Variants in POLA1 observed in about 807,000 individuals in gnomAD.
POLA1 encodes the protein DNA polymerase alpha catalytic subunit.
In POLA1, 15 loss-of-function variants were observed where a neutral mutation model predicts 124.0. The observed-to-expected ratio is 0.12, with a 90% confidence interval of 0.08 to 0.19. POLA1 has a LOEUF of 0.19. Ranked by LOEUF, POLA1 falls within the 10% of genes least tolerant of loss-of-function variation. POLA1 has a pLI of 1.00. For missense variants in POLA1, 886 were observed against 1,103.4 expected (o/e 0.80, Z 2.79); for synonymous variants, 408 against 389.4 (o/e 1.05, Z -0.56).
intron 35 of POLA1, 138 bp downstream of exon 35, chrX:24,888,260 C>T (rs1488596000): frequency 3.8e-5 from 15 of 395,468 alleles, no homozygotes; most frequent in Non-Finnish European, 6.6e-5. Context: ...TTAAAAAATA[C>T]AGATTTCAGA....
intron 19 of POLA1, among the ~76,000 whole-genome samples, chrX:24,738,459 C>G (rs1194529072): frequency 1.8e-5 from 2 of 110,450 alleles, no homozygotes; most frequent in Non-Finnish European, 3.8e-5. Context: ...CGCAATATTG[C>G]TTGCTGATAT....
At chrX:24,988,252 T>C (rs2048499313) in intron 36 of POLA1, among the ~76,000 whole-genome samples, 1 of 112,764 alleles carries the variant, frequency 8.9e-6, no homozygotes, top group Non-Finnish European at 1.9e-5. Context: ...TTACTGCCTA[T>C]CTGTTGTCAT....
intron 26 of POLA1, among the ~76,000 whole-genome samples, chrX:24,765,111 A>G (rs1932870037): frequency 9.1e-6 from 1 of 110,190 alleles, no homozygotes; most frequent in Non-Finnish European, 1.9e-5. Flanking sequence ...GTCCAGCCAC[A>G]TGGGCTACCC....
At chrX:24,779,797 A>C (rs924777619) in intron 26 of POLA1, among the ~76,000 whole-genome samples, 1 of 112,262 alleles carries the variant, frequency 8.9e-6, no homozygotes, top group Non-Finnish European at 1.9e-5. Context: ...AACTGAGGTT[A>C]TGTAACATAC....
intron 34 of POLA1, among the ~76,000 whole-genome samples, 157 bp from the exon 35 acceptor site, chrX:24,887,849 C>A (rs771650810): frequency 2.8e-5 from 3 of 105,761 alleles, no homozygotes; most frequent in East Asian, 5.9e-4. Context: ...GGGCATAGAT[C>A]TATCTAATTA....
intron 32 of POLA1, among the ~76,000 whole-genome samples, chrX:24,835,817 TTGAG>T (rs1249987456): frequency 4.5e-5 from 5 of 112,040 alleles, no homozygotes; most frequent in African/African-American, 1.3e-4. Context: ...TTATGTCTAT[TTGAG>T]TTTCAATGCA....
intron 32 of POLA1, among the ~76,000 whole-genome samples, chrX:24,837,083 T>C (rs765766955): frequency 1.8e-5 from 2 of 111,917 alleles, no homozygotes; most frequent in African/African-American, 6.5e-5. Context: ...GGATTAGGGA[T>C]GTTCAACCTA....
At chrX:24,759,057 A>T (rs1932752897) in intron 26 of POLA1, among the ~76,000 whole-genome samples, 1 of 111,669 alleles carries the variant, frequency 9.0e-6, no homozygotes, top group South Asian at 3.8e-4. Flanking sequence ...CTACACATAC[A>T]TTATACTACT....
At chrX:24,900,988 TTATCA>T (rs2063426024) in intron 35 of POLA1, among the ~76,000 whole-genome samples, 1 of 112,033 alleles carries the variant, frequency 8.9e-6, no homozygotes, top group Admixed American at 9.5e-5. Context: ...ATAATGTTAC[TTATCA>T]TATACTCCAA....
intron 32 of POLA1, among the ~76,000 whole-genome samples, chrX:24,834,601 A>G (rs2046316816): frequency 9.0e-6 from 1 of 111,247 alleles, no homozygotes; most frequent in Non-Finnish European, 1.9e-5. Context: ...ACAGGGTGAA[A>G]CCCCATTTCT....
intron 26 of POLA1, among the ~76,000 whole-genome samples, chrX:24,786,269 C>A (rs2045358960): frequency 9.0e-6 from 1 of 111,556 alleles, no homozygotes; most frequent in Non-Finnish European, 1.9e-5. Flanking sequence ...AATGGCTATC[C>A]CAGTTTACAT....
At chrX:24,756,766 TAAAG>T (rs1006076371) in intron 26 of POLA1, among the ~76,000 whole-genome samples, 3 of 111,007 alleles carry the variant, frequency 2.7e-5, no homozygotes, top group South Asian at 3.8e-4. Flanking sequence ...TGAAAAATGA[TAAAG>T]AACGCTGGTT....
At chrX:24,851,059 T>C (rs1377452751) in intron 34 of POLA1, among the ~76,000 whole-genome samples, 1 of 112,019 alleles carries the variant, frequency 8.9e-6, no homozygotes, top group Admixed American at 9.4e-5. Context: ...CTCTTGGCCC[T>C]CCCTTCAGTT....
intron 10 of POLA1, among the ~76,000 whole-genome samples, chrX:24,720,862 A>G (rs942294370): frequency 1.8e-5 from 2 of 112,496 alleles, no homozygotes; most frequent in Admixed American, 1.9e-4. Flanking sequence ...AATGCAATAC[A>G]AATTAAAATT....
At chrX:24,937,880 A>C (rs1218616304) in intron 36 of POLA1, among the ~76,000 whole-genome samples, 1 of 112,380 alleles carries the variant, frequency 8.9e-6, no homozygotes, top group South Asian at 3.7e-4. Context: ...AACAACAACT[A>C]TGCAGGCTAC....
At chrX:24,966,466 T>G (rs970887959) in intron 36 of POLA1, among the ~76,000 whole-genome samples, 7 of 111,434 alleles carry the variant, frequency 6.3e-5, no homozygotes, top group Non-Finnish European at 9.4e-5. Flanking sequence ...TTTATCCTTT[T>G]GGGTTTATCA....
intron 26 of POLA1, among the ~76,000 whole-genome samples, chrX:24,803,069 G>A (rs2045743831): frequency 8.9e-6 from 1 of 111,952 alleles, no homozygotes; most frequent in African/African-American, 3.2e-5. Context: ...GAAGGTTTCT[G>A]GAGGGGCCAG....
At chrX:24,887,079 G>T (rs1272754854) in intron 34 of POLA1, among the ~76,000 whole-genome samples, 1 of 112,148 alleles carries the variant, frequency 8.9e-6, no homozygotes, top group Non-Finnish European at 1.9e-5. Flanking sequence ...TTACGCCTCT[G>T]TGGCAATGCA....
chrX:24,946,640 G>A, intron 36 of POLA1, among the ~76,000 whole-genome samples: 1 of 111,251 alleles, frequency 9.0e-6, no homozygotes, highest in Non-Finnish European at 1.9e-5. Flanking sequence ...CATACTTTAA[G>A]GCCTCCCAGC....
Sources: gnomAD v4.1 joint callset for allele counts (sites outside exome capture counted in the v4.1 genomes callset) on GRCh38, gnomAD v4.1.1 for gene constraint, MANE v1.5 for transcripts, NCBI Gene and HGNC (gene_info 2026-07-23, HGNC 2026-07-21) for gene names.